BCAS3: variants seen among roughly 807,000 people sequenced by gnomAD.
BCAS3 encodes the protein BCAS3 microtubule associated cell migration factor.
BCAS3 carries 53 observed loss-of-function variants against 116.1 expected under a neutral mutation model. The observed-to-expected ratio is 0.46, with a 90% confidence interval of 0.37 to 0.57. The LOEUF (loss-of-function observed/expected upper bound fraction) is 0.57, where lower values mean the gene tolerates loss of function less well. Among genes scored for constraint, BCAS3 ranks in the 20% least tolerant of loss-of-function variants. The pLI, the probability that BCAS3 is intolerant of heterozygous loss-of-function variation, is 0.00. For missense variants in BCAS3, 917 were observed against 1,165.4 expected, an observed-to-expected ratio of 0.79 and a Z score of 3.10; for synonymous variants, 391 against 408.2, an observed-to-expected ratio of 0.96 and a Z score of 0.51.
At position 61,368,329 on chromosome 17, in the gene BCAS3, A is replaced by G. The variant is rs2058850888; in HGVS notation, c.2428A>G (p.Thr810Ala). 3 of 1,592,248 alleles carry G rather than the reference A, an allele frequency of 1.9e-6. No homozygotes were observed. Among genetic ancestry groups the G allele is most frequent in the Admixed American group, 3.4e-5 (2 of 59,282 alleles). The stretch of plus-strand genomic sequence containing the variant: ...CAGATGTCCCGTGTGTGCCACAGGT[A>G]CCTTTGACAGGAGCGTGACCCTGCT... The part of the protein sequence containing the change: ...VSTVIDAASG[T>A]FDRSVTLLEV... Residue 810 changes from threonine (T) to alanine (A), a missense_variant and splice_region_variant, in exon 23 of 24, where the codon ACC becomes GCC. By Grantham distance (58) the Thr-to-Ala change is moderately conservative. Transcript: ENST00000407086. The surrounding 1 kb of genome is among the most constrained non-coding windows in gnomAD (Gnocchi z 6.0).
intron 17 of BCAS3, among the ~76,000 whole-genome samples, chr17:61,036,602 C>A (rs1350165327): frequency 6.6e-6 from 1 of 152,112 alleles, no homozygotes; most frequent in Non-Finnish European, 1.5e-5. Flanking sequence ...TGATCATTAG[C>A]TATTTTCTCA....
At chr17:60,954,373 A>T (rs527728777) in intron 14 of BCAS3, among the ~76,000 whole-genome samples, 6 of 152,234 alleles carry the variant, frequency 3.9e-5, no homozygotes, top group Admixed American at 3.3e-4. Context: ...TATGAATTTT[A>T]AAATAGTTTG....
chr17:61,190,123 C>A (rs541335255), intron 22 of BCAS3, among the ~76,000 whole-genome samples: 2 of 152,198 alleles, frequency 1.3e-5, no homozygotes, highest in East Asian at 3.9e-4. Flanking sequence ...ATGATGAGGA[C>A]AGAAGTAGTC....
At chr17:60,969,494 A>C (rs898230514) in intron 14 of BCAS3, among the ~76,000 whole-genome samples, 3 of 152,202 alleles carry the variant, frequency 2.0e-5, no homozygotes, top group Non-Finnish European at 4.4e-5. Flanking sequence ...GATCACTAGA[A>C]ATTTCCAAAC....
Position 61,203,311 on chromosome 17 carries a change from C to A in BCAS3, c.2425+118747C>A, listed in dbSNP as rs2080946239. Among the ~76,000 whole-genome samples, 1 of 152,126 alleles carries A rather than the reference C, an allele frequency of 6.6e-6. No individual in the cohort carries two copies. Among genetic ancestry groups the A allele is most frequent in the African/African-American group, 2.4e-5 (1 of 41,424 alleles). The stretch of plus-strand genomic sequence containing the variant: ...TTGCTGGGATTACAGGTGCCCGACA[C>A]CACACCTGGCTAATTTTTGTATTAT... On this transcript the variant is annotated intron_variant, in intron 22 of 23. Transcript: ENST00000407086. The surrounding 1 kb of genome is among the most constrained non-coding windows in gnomAD (Gnocchi z 5.7).
chr17:61,158,559 A>T (rs1200509764), intron 22 of BCAS3, among the ~76,000 whole-genome samples: 1 of 152,162 alleles, frequency 6.6e-6, no homozygotes, highest in Admixed American at 6.6e-5. Flanking sequence ...AGATTGCATT[A>T]CTCTTGCATC....
chr17:60,831,737 T>TG (rs2050954701), intron 7 of BCAS3, among the ~76,000 whole-genome samples: 1 of 150,652 alleles, frequency 6.6e-6, no homozygotes, highest in African/African-American at 2.5e-5. Flanking sequence ...TCTTTGGCGG[T>TG]GGGTTTTTTT....
Position 61,325,593 on chromosome 17 carries a change from A to C in BCAS3, c.2426-42734A>C, listed in dbSNP as rs1602695968. Among the ~76,000 whole-genome samples, 1 of 152,326 alleles carries C rather than the reference A, an allele frequency of 6.6e-6. No homozygotes were observed. Among genetic ancestry groups the C allele is most frequent in the Non-Finnish European group, 1.5e-5 (1 of 68,028 alleles). ...TGGACAAATTTGAACAGCAGGCAGC[A>C]CAGCCACTGCCGCAGGGAGCATTGA... is the stretch of plus-strand genomic sequence containing the variant. On this transcript the variant is annotated intron_variant, in intron 22 of 23. Coordinates refer to ENST00000407086, the MANE Select transcript of BCAS3 (RefSeq NM_017679.5). The surrounding 1 kb of genome is among the most constrained non-coding windows in gnomAD (Gnocchi z 6.4).
intron 5 of BCAS3, among the ~76,000 whole-genome samples, chr17:60,731,709 G>C (rs1037199875): frequency 6.6e-6 from 1 of 151,096 alleles, no homozygotes; most frequent in African/African-American, 2.4e-5. Flanking sequence ...ATTTATTTGA[G>C]TAGTTTTAGG....
In BCAS3 at chr17:61,241,139, T is replaced by G. The variant is rs2144501559; in HGVS notation, c.2426-127188T>G. On this transcript the variant is annotated intron_variant, in intron 22 of 23. Transcript: ENST00000407086. This position sits in a 1 kb window ranked among gnomAD's most constrained non-coding sequence, Gnocchi z 4.6. Reference sequence around the variant, plus strand: ...CTTTCTTTGGGGGACCCTCATATAGTGGGCACACTGAATATGTGGATTTAA... The same window carrying G: ...CTTTCTTTGGGGGACCCTCATATAGGGGGCACACTGAATATGTGGATTTAA... 6.6e-6 allele frequency among the ~76,000 whole-genome samples: 1 copy of G among 152,328 alleles called. No homozygotes were observed. The highest frequency in any genetic ancestry group is 2.1e-4 in the South Asian group (1 of 4,824).
At chr17:60,897,699 A>G (rs2057602467) in intron 10 of BCAS3, among the ~76,000 whole-genome samples, 1 of 151,418 alleles carries the variant, frequency 6.6e-6, no homozygotes, top group African/African-American at 2.4e-5. Context: ...AGTCAGTTTT[A>G]TTTTACTTAT....
At chr17:60,710,078 A>G (rs2037665620) in intron 5 of BCAS3, among the ~76,000 whole-genome samples, 1 of 152,128 alleles carries the variant, frequency 6.6e-6, no homozygotes. Flanking sequence ...TGGCCTCCCA[A>G]AATGCTGGGA....
At chr17:61,152,108 T>C (rs1490547525) in intron 22 of BCAS3, among the ~76,000 whole-genome samples, 1 of 152,122 alleles carries the variant, frequency 6.6e-6, no homozygotes, top group Non-Finnish European at 1.5e-5. Context: ...CTCTTAAAGA[T>C]GGCACGGACC....
intron 6 of BCAS3, among the ~76,000 whole-genome samples, chr17:60,787,700 T>C (rs189586781): frequency 3.9e-5 from 6 of 152,192 alleles, no homozygotes; most frequent in Admixed American, 3.9e-4. Flanking sequence ...AGAGATACTT[T>C]AGTAAAGACC....
chr17:61,187,184 T>A lies in BCAS3; in HGVS notation c.2425+102620T>A, dbSNP rs183553576. On this transcript the variant is annotated intron_variant, in intron 22 of 23. Coordinates refer to ENST00000407086, the MANE Select transcript of BCAS3 (RefSeq NM_017679.5). ...CACAAACCAACATAAACCAAGACTG[T>A]AAGTGTTATCAAGGACATCAAGATA... Among the ~76,000 whole-genome samples the A allele has an allele frequency of 4.9e-3, 754 of 152,346 alleles. 4 individuals carry two copies. Among genetic ancestry groups the A allele is most frequent in the Non-Finnish European group, 6.7e-3 (454 of 68,040 alleles).
intron 22 of BCAS3, among the ~76,000 whole-genome samples, chr17:61,195,172 A>G (rs1319472179): frequency 6.6e-6 from 1 of 152,220 alleles, no homozygotes. Context: ...TATTCTTTAC[A>G]TATACCAATT....
intron 13 of BCAS3, among the ~76,000 whole-genome samples, chr17:60,942,478 C>T (rs532780510): frequency 6.6e-6 from 1 of 152,030 alleles, no homozygotes; most frequent in African/African-American, 2.4e-5. Context: ...GTTTGAATAA[C>T]AGTAAGTAAA....
chr17:61,202,492 C>CT (rs899443808), intron 22 of BCAS3, among the ~76,000 whole-genome samples: 65 of 149,118 alleles, frequency 4.4e-4, no homozygotes, highest in African/African-American at 1.3e-3. Context: ...TCCTCATTTT[C>CT]TTTTTTTTTT....
At chr17:60,698,378 C>T (rs2035926091) in intron 4 of BCAS3, among the ~76,000 whole-genome samples, 1 of 151,974 alleles carries the variant, frequency 6.6e-6, no homozygotes, top group Admixed American at 6.6e-5. Context: ...GGCCTGGTGG[C>T]TTATGCCTGT....
Sources: allele counts gnomAD v4.1 joint callset (sites outside exome capture counted in the v4.1 genomes callset), GRCh38; gene constraint gnomAD v4.1.1; non-coding constraint Gnocchi (gnomAD v3.1); transcripts MANE v1.5; gene names NCBI Gene and HGNC (gene_info 2026-07-23, HGNC 2026-07-21).